The following LEKR1 variants were observed in gnomAD, a reference collection of about 807,000 sequenced individuals.
LEKR1 encodes leucine, glutamate and lysine rich 1, also known as protein LEKR1.
In LEKR1, 59 loss-of-function variants were observed where a neutral mutation model predicts 72.4. That is an observed-to-expected ratio of 0.82 (90% CI 0.66 to 1.01). The LOEUF is 1.01. Among genes scored for constraint, LEKR1 ranks in the 50% least tolerant of loss-of-function variants. The probability of loss-of-function intolerance (pLI) is 0.00; values close to 1 mark genes in which losing one functional copy is unlikely to be tolerated. For synonymous variants in LEKR1, 257 were observed against 263.2 expected (o/e 0.98, Z 0.23); for missense variants, 728 against 759.2 (o/e 0.96, Z 0.48).
intron 3 of LEKR1, among the ~76,000 whole-genome samples, chr3:156,884,842 A>C (rs1186352692): frequency 6.6e-6 from 1 of 152,120 alleles, no homozygotes; most frequent in African/African-American, 2.4e-5. Flanking sequence ...AAGGCTGTGG[A>C]AGTTTTCCTC....
intron 5 of LEKR1, among the ~76,000 whole-genome samples, chr3:156,941,713 G>A (rs948625488): frequency 6.6e-6 from 1 of 151,992 alleles, no homozygotes; most frequent in Admixed American, 6.6e-5. Context: ...ATTAATTGTG[G>A]TTGTACAAAT....
At chr3:156,887,478 G>A (rs550604741) in intron 3 of LEKR1, among the ~76,000 whole-genome samples, 75 of 152,166 alleles carry the variant, frequency 4.9e-4, no homozygotes, top group African/African-American at 1.8e-3. Flanking sequence ...ATTTAGAAAC[G>A]TGTTCATAAA....
chr3:156,916,794 T>A (rs1201095977), intron 3 of LEKR1, among the ~76,000 whole-genome samples: 1 of 152,114 alleles, frequency 6.6e-6, no homozygotes, highest in Non-Finnish European at 1.5e-5. Context: ...AATAATATGT[T>A]GAATAAGAGT....
intron 3 of LEKR1, among the ~76,000 whole-genome samples, chr3:156,855,687 T>C (rs989519405): frequency 5.3e-5 from 8 of 152,184 alleles, no homozygotes; most frequent in African/African-American, 1.9e-4. Flanking sequence ...TGGAAACTTA[T>C]CTGACACGAA....
intron 1 of LEKR1, among the ~76,000 whole-genome samples, chr3:156,827,806 G>T (rs1384438391): frequency 6.6e-6 from 1 of 152,210 alleles, no homozygotes; most frequent in Admixed American, 6.5e-5. Context: ...CACAAAAACT[G>T]TTCTACTGGT....
chr3:156,871,419 G>A (rs1302905916), intron 3 of LEKR1, among the ~76,000 whole-genome samples: 4 of 152,044 alleles, frequency 2.6e-5, no homozygotes, highest in East Asian at 1.9e-4. Flanking sequence ...ATAAACATAC[G>A]CGTGCATGTG....
intron 2 of LEKR1, among the ~76,000 whole-genome samples, chr3:156,848,602 G>A (rs536698559): frequency 1.1e-4 from 16 of 152,238 alleles, no homozygotes; most frequent in African/African-American, 3.6e-4. Flanking sequence ...ATAAATATAG[G>A]CTGGTAACAA....
chr3:157,020,949 T>A (rs1280472824), intron 10 of LEKR1, among the ~76,000 whole-genome samples: 2 of 151,160 alleles, frequency 1.3e-5, no homozygotes, highest in Non-Finnish European at 3.0e-5. Context: ...TGTTGTTTCC[T>A]GACTTTTTAA....
intron 7 of LEKR1, among the ~76,000 whole-genome samples, chr3:156,985,659 C>T (rs1377555100): frequency 6.6e-6 from 1 of 151,860 alleles, no homozygotes; most frequent in Non-Finnish European, 1.5e-5. Flanking sequence ...CATGGTGAAA[C>T]CCTGTCTCTA....
Position 156,845,022 on chromosome 3 carries a change from T to C in LEKR1, c.49-7746T>C, listed in dbSNP as rs529337309. On this transcript the variant is annotated intron_variant, in intron 2 of 12. Transcript: ENST00000356539. ...AGTTTCTCCACATCTTTACCAGCATTTGATGTTGTCAGTGATGTGTAGTGA... is the reference window on the plus strand; with the variant it reads ...AGTTTCTCCACATCTTTACCAGCATCTGATGTTGTCAGTGATGTGTAGTGA... Among the ~76,000 whole-genome samples, 67 of 152,088 alleles carry C rather than the reference T, an allele frequency of 4.4e-4. 1 individual carries two copies. The highest frequency in any genetic ancestry group is 1.6e-3 in the African/African-American group (66 of 41,542).
intron 10 of LEKR1, among the ~76,000 whole-genome samples, chr3:157,012,138 A>T (rs1052169313): frequency 6.6e-6 from 1 of 152,122 alleles, no homozygotes; most frequent in Non-Finnish European, 1.5e-5. Flanking sequence ...ACCTTCTCAG[A>T]CCATCCACAG....
chr3:157,017,948 C>CAAAAAAAAAA (rs58950224), intron 10 of LEKR1, among the ~76,000 whole-genome samples: 33 of 82,900 alleles, frequency 4.0e-4, no homozygotes, highest in East Asian at 1.7e-3. Flanking sequence ...GACTCTGTCT[C>CAAAAAAAAAA]AAAAAAAAAA....
intron 12 of LEKR1, among the ~76,000 whole-genome samples, chr3:157,034,099 T>C (rs1560161486): frequency 6.6e-6 from 1 of 151,954 alleles, no homozygotes; most frequent in African/African-American, 2.4e-5. Flanking sequence ...TGACAATGCA[T>C]CTGGTCACCC....
intron 6 of LEKR1, among the ~76,000 whole-genome samples, chr3:156,956,674 T>C (rs1727665763): frequency 6.6e-6 from 1 of 151,652 alleles, no homozygotes; most frequent in Admixed American, 6.6e-5. Flanking sequence ...TTGCAAAGAG[T>C]AACACTGACA....
chr3:156,843,875 A>G (rs1283188893), intron 2 of LEKR1, among the ~76,000 whole-genome samples: 1 of 151,854 alleles, frequency 6.6e-6, no homozygotes, highest in Non-Finnish European at 1.5e-5. Flanking sequence ...TTTTTAAGCA[A>G]TTGTAGTTTT....
intron 3 of LEKR1, among the ~76,000 whole-genome samples, chr3:156,866,202 C>CTTAA (rs1423700099): frequency 6.6e-6 from 1 of 152,036 alleles, no homozygotes; most frequent in Non-Finnish European, 1.5e-5. Context: ...GGCAGAAGAG[C>CTTAA]TTAACTTTCT....
chr3:156,958,187 A>C (rs1446013476), intron 6 of LEKR1, among the ~76,000 whole-genome samples: 2 of 152,134 alleles, frequency 1.3e-5, no homozygotes, highest in Non-Finnish European at 2.9e-5. Context: ...AACAACCAAC[A>C]ATCTTACTCA....
intron 3 of LEKR1, among the ~76,000 whole-genome samples, chr3:156,857,918 C>G (rs544787128): frequency 6.6e-6 from 1 of 152,168 alleles, no homozygotes; most frequent in Non-Finnish European, 1.5e-5. Context: ...TGGTGTGCAC[C>G]AGACATCTTA....
rs576413343 is a variant in LEKR1, at chr3:156,930,504, A to G, written c.559+2900A>G. On this transcript the variant is annotated intron_variant, in intron 5 of 12. Transcript: ENST00000356539. ...ATATTTGTATTTTATGTGACATGGC[A>G]GAATATTTTATTTAAACCAATAAAT... Among the ~76,000 whole-genome samples the G allele has an allele frequency of 1.9e-3, 286 of 152,270 alleles. 2 individuals carry two copies. Among genetic ancestry groups the G allele is most frequent in the African/African-American group, 6.6e-3 (274 of 41,584 alleles).
Sources: gnomAD v4.1 joint callset for allele counts (sites outside exome capture counted in the v4.1 genomes callset) on GRCh38, gnomAD v4.1.1 for gene constraint, MANE v1.5 for transcripts, NCBI Gene and HGNC (gene_info 2026-07-23, HGNC 2026-07-21) for gene names.